SAMMSON: variants seen among roughly 807,000 people sequenced by gnomAD.
The protein encoded by SAMMSON is long intergenic non-protein coding RNA 1212.
intron 7 of SAMMSON, among the ~76,000 whole-genome samples, chr3:70,307,851 C>T (rs1702417041): frequency 1.3e-5 from 2 of 152,156 alleles, no homozygotes; most frequent in African/African-American, 2.4e-5. Flanking sequence ...CTTCATTTTG[C>T]ATTATTCCGT....
intron 7 of SAMMSON, among the ~76,000 whole-genome samples, chr3:70,313,558 G>A (rs558649253): frequency 6.6e-6 from 1 of 151,826 alleles, no homozygotes; most frequent in South Asian, 2.1e-4. Context: ...ATAACCCTTG[G>A]GTACACATCA....
chr3:70,111,526 A>T (rs1379435691), intron 4 of SAMMSON, among the ~76,000 whole-genome samples: 1 of 152,192 alleles, frequency 6.6e-6, no homozygotes, highest in African/African-American at 2.4e-5. Context: ...CATATGAAAA[A>T]ATAACCTCAG....
At chr3:70,157,555 G>A (rs776201401) in intron 4 of SAMMSON, among the ~76,000 whole-genome samples, 2 of 152,062 alleles carry the variant, frequency 1.3e-5, no homozygotes, top group African/African-American at 2.4e-5. Flanking sequence ...TTGGTGGCAG[G>A]AGAGGTAGAG....
At chr3:70,185,630 C>T (rs1470075010) in intron 4 of SAMMSON, among the ~76,000 whole-genome samples, 1 of 152,008 alleles carries the variant, frequency 6.6e-6, no homozygotes, top group African/African-American at 2.4e-5. Flanking sequence ...AATATCACCC[C>T]CAAGATTGGC....
At chr3:70,405,392 A>G (rs925004593) in intron 2 of SAMMSON, among the ~76,000 whole-genome samples, 1 of 152,218 alleles carries the variant, frequency 6.6e-6, no homozygotes, top group African/African-American at 2.4e-5. Flanking sequence ...ACACACCCAT[A>G]GTATAGTAGA....
rs141052547 is a variant in SAMMSON at position 70,021,374 on chromosome 3, C to T, written n.417+7702C>T. 6.4e-4 allele frequency among the ~76,000 whole-genome samples: 97 copies of T among 152,206 alleles called. 1 individual carries two copies. In the East Asian group the frequency reaches 0.015, roughly 24 times the overall value. On this transcript the variant is annotated intron_variant and non_coding_transcript_variant, in intron 3 of 9. Transcript: ENST00000642114. ...CTTTTTCAGCCTTGTTAACCTTTTG[C>T]TGTTTTTATAACTGTTTACCTATTT...
chr3:70,291,900 T>C (rs6549329), intron 7 of SAMMSON: 60,840 of 152,084 alleles, frequency 0.4, 12,646 homozygotes, highest in South Asian at 0.56. Flanking sequence ...TCTGCTCTCT[T>C]ATCTTTCGCC....
At chr3:70,341,882 C>CAAA (rs1465350440) in intron 7 of SAMMSON, among the ~76,000 whole-genome samples, 1 of 152,036 alleles carries the variant, frequency 6.6e-6, no homozygotes, top group Non-Finnish European at 1.5e-5. Flanking sequence ...ATTGGATATA[C>CAAA]AAAAGAATAT....
At chr3:70,363,838 G>T (rs1370326963) in intron 9 of SAMMSON, among the ~76,000 whole-genome samples, 2 of 99,926 alleles carry the variant, frequency 2.0e-5, no homozygotes, top group African/African-American at 6.8e-5. Flanking sequence ...GCATGACAGA[G>T]AGAGAGTGTG....
chr3:70,382,126 A>G (rs12638473), intron 9 of SAMMSON, among the ~76,000 whole-genome samples: 2 of 152,282 alleles, frequency 1.3e-5, no homozygotes, highest in East Asian at 1.9e-4. Context: ...GAAGATGTAG[A>G]CAATCTTCAT....
intron 4 of SAMMSON, among the ~76,000 whole-genome samples, chr3:70,135,533 G>A (rs1404541706): frequency 2.6e-5 from 4 of 152,030 alleles, no homozygotes; most frequent in African/African-American, 4.8e-5. Context: ...CAGACAATGG[G>A]CATTTTTGCA....
intron 3 of SAMMSON, among the ~76,000 whole-genome samples, chr3:70,058,311 C>T (rs999169673): frequency 7.2e-5 from 11 of 151,930 alleles, no homozygotes; most frequent in African/African-American, 2.7e-4. Flanking sequence ...TGCATTTCTG[C>T]TTGACTTTAC....
intron 6 of SAMMSON, chr3:70,249,801 A>G (rs1261630047): frequency 6.6e-6 from 1 of 152,132 alleles, no homozygotes; most frequent in Non-Finnish European, 1.5e-5. Context: ...AAGATACGGT[A>G]GTTATTTCAA....
chr3:70,288,273 G>T, intron 6 of SAMMSON, among the ~76,000 whole-genome samples: 3 of 119,858 alleles, frequency 2.5e-5, no homozygotes, highest in South Asian at 3.7e-4. Context: ...TGTTCTCGTT[G>T]GTTTCAAAGA....
At chr3:70,311,248 T>C (rs751190090) in intron 7 of SAMMSON, among the ~76,000 whole-genome samples, 72 of 152,178 alleles carry the variant, frequency 4.7e-4, no homozygotes, top group Non-Finnish European at 3.8e-4. Context: ...TGTTACCTTT[T>C]TGACATATTA....
intron 3 of SAMMSON, among the ~76,000 whole-genome samples, chr3:70,038,354 C>T (rs965203342): frequency 3.3e-5 from 5 of 152,088 alleles, no homozygotes; most frequent in African/African-American, 7.2e-5. Flanking sequence ...TTTCTCTCAC[C>T]ATGTGATATC....
intron 6 of SAMMSON, among the ~76,000 whole-genome samples, chr3:70,289,491 C>T (rs1188619128): frequency 5.4e-5 from 8 of 149,520 alleles, no homozygotes; most frequent in African/African-American, 2.0e-4. Context: ...CTGCCCTTAA[C>T]ATTTTTTCCT....
chr3:70,258,286 T>C (rs1226422515), intron 6 of SAMMSON, among the ~76,000 whole-genome samples: 1 of 152,126 alleles, frequency 6.6e-6, no homozygotes, highest in Non-Finnish European at 1.5e-5. Context: ...ACTTAATAAA[T>C]TGGCTTTCAT....
chr3:70,264,987 G>T (rs1220104694), intron 6 of SAMMSON, among the ~76,000 whole-genome samples: 1 of 152,168 alleles, frequency 6.6e-6, no homozygotes, highest in Non-Finnish European at 1.5e-5. Flanking sequence ...TTACATGGTG[G>T]CAGCAAGAGA....
Sources: allele counts gnomAD v4.1 joint callset (sites outside exome capture counted in the v4.1 genomes callset), GRCh38; gene constraint gnomAD v4.1.1; transcripts MANE v1.5; gene names NCBI Gene and HGNC (gene_info 2026-07-23, HGNC 2026-07-21).